The following PHC2 variants were observed in gnomAD, a reference collection of about 807,000 sequenced individuals.
PHC2 encodes polyhomeotic homolog 2.
A neutral mutation model predicts 87.4 loss-of-function variants in PHC2; 29 were observed. That is an observed-to-expected ratio of 0.33 (90% CI 0.25 to 0.45). PHC2 has a LOEUF of 0.45. PHC2 is among the 20% of genes least tolerant of loss of function. The pLI, the probability that PHC2 is intolerant of heterozygous loss-of-function variation, is 1.00. For synonymous variants in PHC2, 438 were observed against 461.7 expected (o/e 0.95, Z 0.66); for missense variants, 857 against 1,136.7 (o/e 0.75, Z 3.54).
rs1347219632 is a variant in PHC2, at chr1:33,349,495, G to A, written c.1558+4906C>T. 2 of 985,044 alleles carry A rather than the reference G, an allele frequency of 2.0e-6. No individual in the cohort carries two copies. Among genetic ancestry groups the A allele is most frequent in the East Asian group, 2.3e-4 (2 of 8,790 alleles). The allele number at this position is 985,044 out of a possible 1,614,324, so 61.0% of individuals were successfully genotyped here. On this transcript the variant is annotated intron_variant, in intron 9 of 14. Transcript: ENST00000683057. This position sits in a 1 kb window ranked among gnomAD's most constrained non-coding sequence, Gnocchi z 4.2. ...CACGGCCTGGCAGCCGCGTAGGCCC[G>A]GGCCGTTAGGGGCACCGAGGGCGGT...
In PHC2 at chr1:33,349,672, C is replaced by T; in HGVS notation, c.1558+4729G>A. On this transcript the variant is annotated intron_variant, in intron 9 of 14. Coordinates refer to ENST00000683057, the MANE Select transcript of PHC2 (RefSeq NM_001385109.1). This position sits in a 1 kb window ranked among gnomAD's most constrained non-coding sequence, Gnocchi z 4.2. ...GGCCGGGCGCCGACTCGCGCGGGGT[C>T]CCGGGCCCGGGCGGGCCGCCTCCTC... 1.0e-6 allele frequency: 1 copy of T among 983,852 alleles called. No homozygotes were observed. The highest frequency in any genetic ancestry group is 1.2e-6 in the Non-Finnish European group (1 of 830,284). The allele number at this position is 983,852 out of a possible 1,614,324, so 60.9% of individuals were successfully genotyped here. A position where few individuals can be genotyped will look rare whatever the true frequency, so the allele number is the denominator to read the frequency against.
chr1:33,329,106 T>G lies in PHC2; in HGVS notation c.2189A>C (p.Gln730Pro), dbSNP rs1646434148. 6.2e-7 allele frequency: 1 copy of G among 1,614,048 alleles called. No homozygotes were observed. The highest frequency in any genetic ancestry group is 1.3e-5 in the African/African-American group (1 of 74,940). The change falls in exon 14 of 15, where the codon CAG becomes CCG. Residue 730 changes from glutamine to proline, a missense_variant. By Grantham distance (76) the Gln-to-Pro change is moderately conservative. Coordinates refer to ENST00000683057, the MANE Select transcript of PHC2 (RefSeq NM_001385109.1). ...TVPLSVTAALQLTHSQEDSSR... is the reference protein window; with the variant it reads ...TVPLSVTAALPLTHSQEDSSR... ...GGAGTCTTCCTGGCTGTGTGTTAGC[T>G]GCAAAGCAGCAGTAACCGAAAGGGG... is the stretch of plus-strand genomic sequence containing the variant.
Position 33,382,079 on chromosome 1 carries a change from G to C in PHC2, c.-54-6486C>G, listed in dbSNP as rs892486424. The stretch of plus-strand genomic sequence containing the variant: ...ACCAGAAGCTAGGGTCCTGCCATAT[G>C]TCACTTTATTGTTGGTCTCCTAGTA... On this transcript the variant is annotated intron_variant, in intron 1 of 14. Coordinates refer to ENST00000683057, the MANE Select transcript of PHC2 (RefSeq NM_001385109.1). This position sits in a 1 kb window ranked among gnomAD's most constrained non-coding sequence, Gnocchi z 4.3. 3.9e-5 allele frequency among the ~76,000 whole-genome samples: 6 copies of C among 152,138 alleles called. No homozygotes were observed. Among genetic ancestry groups the C allele is most frequent in the African/African-American group, 1.4e-4 (6 of 41,414 alleles).
chr1:33,347,652 G>C, intron 9 of PHC2: 2 of 985,448 alleles, frequency 2.0e-6, no homozygotes, highest in Middle Eastern at 5.2e-4. Flanking sequence ...AAAGGACTAA[G>C]AAACTACCCC....
At position 33,334,804 on chromosome 1, in the gene PHC2, C is replaced by T. The variant is rs1646588575; in HGVS notation, c.1559-512G>A. 2.6e-5 allele frequency among the ~76,000 whole-genome samples: 4 copies of T among 152,144 alleles called. No individual in the cohort carries two copies. The South Asian group carries it at 8.3e-4, about 32-fold the overall frequency. ...CCTGTGAAATGTCAAAACACTGAAC[C>T]CCAGAAATTGATGCCAAGGGAATGT... On this transcript the variant is annotated intron_variant, in intron 9 of 14. Transcript: ENST00000683057. The surrounding 1 kb of genome is among the most constrained non-coding windows in gnomAD (Gnocchi z 5.5).
rs551826922 is a variant in PHC2, at chr1:33,380,266, T to C, written c.-54-4673A>G. Among the ~76,000 whole-genome samples, 3 of 152,348 alleles carry C rather than the reference T, an allele frequency of 2.0e-5. No individual in the cohort carries two copies. The South Asian group carries it at 6.2e-4, about 32-fold the overall frequency. The stretch of plus-strand genomic sequence containing the variant: ...GTTGTGCAATCATCACCACCATCTA[T>C]TCCCAGAACTTTCTCATTACCCAAA... On this transcript the variant is annotated intron_variant, in intron 1 of 14. Coordinates refer to ENST00000683057, the MANE Select transcript of PHC2 (RefSeq NM_001385109.1).
intron 7 of PHC2, among the ~76,000 whole-genome samples, chr1:33,355,868 T>G (rs1647061095): frequency 6.6e-6 from 1 of 152,122 alleles, no homozygotes; most frequent in Non-Finnish European, 1.5e-5. Context: ...ATCTAAAAAT[T>G]GAAAATATAG....
intron 9 of PHC2, among the ~76,000 whole-genome samples, chr1:33,348,715 T>C (rs568636738): frequency 3.3e-5 from 5 of 152,308 alleles, no homozygotes; most frequent in South Asian, 2.1e-4. Context: ...AAGGCTGTCA[T>C]TGATTTGTAA....
intron 1 of PHC2, among the ~76,000 whole-genome samples, chr1:33,378,738 C>T (rs1395152867): frequency 6.6e-6 from 1 of 152,170 alleles, no homozygotes; most frequent in East Asian, 1.9e-4. Context: ...AAGACAGCCA[C>T]AGCTATCAAA....
intron 7 of PHC2, chr1:33,362,991 T>G (rs1647237399): frequency 6.6e-6 from 1 of 152,184 alleles, no homozygotes; most frequent in African/African-American, 2.4e-5. Context: ...TAAGATTAAG[T>G]GAGATATGTA....
chr1:33,396,807 C>CT (rs1649313138), intron 1 of PHC2, among the ~76,000 whole-genome samples: 1 of 152,188 alleles, frequency 6.6e-6, no homozygotes, highest in Non-Finnish European at 1.5e-5. Flanking sequence ...GAGGTAGAGG[C>CT]TTTGCAAGCT....
At chr1:33,390,858 T>A (rs1416709057) in intron 1 of PHC2, among the ~76,000 whole-genome samples, 1 of 152,078 alleles carries the variant, frequency 6.6e-6, no homozygotes, top group Admixed American at 6.6e-5. Flanking sequence ...GTGACCTGGA[T>A]TTGGCCCTTG....
intron 1 of PHC2, among the ~76,000 whole-genome samples, chr1:33,414,586 G>C (rs1447052026): frequency 3.3e-5 from 5 of 152,172 alleles, no homozygotes; most frequent in Non-Finnish European, 1.5e-5. Context: ...TTACAGCTCT[G>C]TACAACCATG....
intron 1 of PHC2, among the ~76,000 whole-genome samples, chr1:33,398,368 A>C (rs1649379380): frequency 6.6e-6 from 1 of 152,268 alleles, no homozygotes; most frequent in South Asian, 2.1e-4. Context: ...TAACCAATCA[A>C]AATGGCACTA....
chr1:33,393,463 G>GTTTTTTTTTTTTTTTTTTTTTTTTT (rs36030279), intron 1 of PHC2, among the ~76,000 whole-genome samples: 3 of 131,046 alleles, frequency 2.3e-5, no homozygotes, highest in Non-Finnish European at 1.6e-5. Context: ...TTTTCAAGAG[G>GTTTTTTTTTTTTTTTTTTTTTTTTT]TTTTTTTTTT....
At chr1:33,419,191 T>G (rs887227012) in intron 1 of PHC2, among the ~76,000 whole-genome samples, 12 of 152,262 alleles carry the variant, frequency 7.9e-5, no homozygotes, top group African/African-American at 2.7e-4. Flanking sequence ...AAATTATTAT[T>G]ATACATGTTA....
At chr1:33,377,141 T>C (rs1458009315) in intron 1 of PHC2, among the ~76,000 whole-genome samples, 1 of 152,156 alleles carries the variant, frequency 6.6e-6, no homozygotes, top group East Asian at 1.9e-4. Context: ...AGCCAGGAAA[T>C]CCTGGCATGT....
At chr1:33,426,140 G>A (rs764835193) in intron 1 of PHC2, among the ~76,000 whole-genome samples, 14 of 152,270 alleles carry the variant, frequency 9.2e-5, no homozygotes, top group Non-Finnish European at 1.6e-4. Context: ...AACCTAATTG[G>A]TTCTCAGTTC....
chr1:33,398,435 T>C (rs1455247619), intron 1 of PHC2, among the ~76,000 whole-genome samples: 1 of 152,240 alleles, frequency 6.6e-6, no homozygotes, highest in Non-Finnish European at 1.5e-5. Flanking sequence ...ACATGTTATT[T>C]AATGTATAGC....
Sources: allele counts gnomAD v4.1 joint callset (sites outside exome capture counted in the v4.1 genomes callset), GRCh38; gene constraint gnomAD v4.1.1; non-coding constraint Gnocchi (gnomAD v3.1); transcripts MANE v1.5; gene names NCBI Gene and HGNC (gene_info 2026-07-23, HGNC 2026-07-21).